SAMD4A: variants seen among roughly 807,000 people sequenced by gnomAD.
The protein encoded by SAMD4A is protein Smaug homolog 1.
A neutral mutation model predicts 81.3 loss-of-function variants in SAMD4A; 33 were observed. The observed-to-expected ratio is 0.41, with a 90% CI of 0.31 to 0.54. The LOEUF is 0.54. Among genes scored for constraint, SAMD4A ranks in the 20% least tolerant of loss-of-function variants. The pLI is 0.37. For missense variants in SAMD4A, 854 were observed against 951.1 expected (o/e 0.90, Z 1.34); for synonymous variants, 389 against 382.1 (o/e 1.02, Z -0.21).
chr14:54,729,364 A>G (rs2037502837), intron 3 of SAMD4A, among the ~76,000 whole-genome samples: 1 of 152,214 alleles, frequency 6.6e-6, no homozygotes, highest in Non-Finnish European at 1.5e-5. Context: ...AGAAAAGGGT[A>G]GGAGGCAAGT....
At chr14:54,635,592 A>T (rs900251978) in intron 2 of SAMD4A, among the ~76,000 whole-genome samples, 2 of 145,682 alleles carry the variant, frequency 1.4e-5, no homozygotes, top group Admixed American at 1.3e-4. Context: ...TACTAAAAAT[A>T]CAAAAATTAG....
intron 2 of SAMD4A, among the ~76,000 whole-genome samples, chr14:54,643,013 C>G (rs1249783881): frequency 6.6e-6 from 1 of 152,178 alleles, no homozygotes; most frequent in African/African-American, 2.4e-5. Flanking sequence ...AGGCAACTTG[C>G]TGATTCAGCT....
chr14:54,644,400 T>G (rs565730768), intron 2 of SAMD4A, among the ~76,000 whole-genome samples: 2 of 152,326 alleles, frequency 1.3e-5, no homozygotes, highest in East Asian at 3.9e-4. Context: ...TAACTATTAT[T>G]GGGCACTTGT....
chr14:54,606,276 G>A (rs1473486317), intron 2 of SAMD4A, among the ~76,000 whole-genome samples: 1 of 152,022 alleles, frequency 6.6e-6, no homozygotes, highest in Non-Finnish European at 1.5e-5. Context: ...CCATGGGCCT[G>A]CCTCATCTGG....
chr14:54,702,233 G>C lies in SAMD4A; in HGVS notation c.368G>C (p.Arg123Thr). 6.2e-7 allele frequency: 1 copy of C among 1,614,198 alleles called. No homozygotes were observed. Among genetic ancestry groups the C allele is most frequent in the Non-Finnish European group, 8.5e-7 (1 of 1,180,030 alleles). Reference sequence around the variant, plus strand: ...CACAACCAGCACATTGAGGAGAGCAGGCAGCTGCTGTCCTATGCTTTGATA... The same window carrying C: ...CACAACCAGCACATTGAGGAGAGCACGCAGCTGCTGTCCTATGCTTTGATA... ...IEHNQHIEES[R>T]QLLSYALIHP... Residue 123 changes from arginine to threonine, a missense_variant, in exon 3 of 13, where the codon AGG becomes ACG. Coordinates refer to ENST00000554335, the MANE Select transcript of SAMD4A (RefSeq NM_015589.6).
At chr14:54,577,694 G>A (rs1260557402) in intron 2 of SAMD4A, among the ~76,000 whole-genome samples, 2 of 152,168 alleles carry the variant, frequency 1.3e-5, no homozygotes, top group Admixed American at 6.5e-5. Flanking sequence ...GCTACCAGTC[G>A]CACTCTCCCT....
At chr14:54,626,059 TGCGCGCGC>T (rs113491666) in intron 2 of SAMD4A, among the ~76,000 whole-genome samples, 78 of 102,128 alleles carry the variant, frequency 7.6e-4, no homozygotes, top group Non-Finnish European at 1.3e-3. Flanking sequence ...TGTGTGTGTG[TGCGCGCGC>T]GCGCGCGCGA....
chr14:54,630,906 ATATG>A (rs1566557154), intron 2 of SAMD4A, among the ~76,000 whole-genome samples: 2 of 65,482 alleles, frequency 3.1e-5, no homozygotes, highest in Non-Finnish European at 6.3e-5. Flanking sequence ...CTTGTATTTT[ATATG>A]TGTGTGTGTG....
chr14:54,662,906 C>T (rs1240308443), intron 2 of SAMD4A, among the ~76,000 whole-genome samples: 1 of 152,208 alleles, frequency 6.6e-6, no homozygotes, highest in Non-Finnish European at 1.5e-5. Context: ...CCAGGGTTTC[C>T]TGTGCTGCTG....
intron 2 of SAMD4A, among the ~76,000 whole-genome samples, chr14:54,601,841 T>C (rs2034060593): frequency 6.6e-6 from 1 of 152,240 alleles, no homozygotes; most frequent in Non-Finnish European, 1.5e-5. Context: ...CTTACATCAC[T>C]ATCCTAAGAA....
chr14:54,655,541 G>A (rs565908451), intron 2 of SAMD4A, among the ~76,000 whole-genome samples: 5 of 151,240 alleles, frequency 3.3e-5, no homozygotes, highest in Non-Finnish European at 7.4e-5. Context: ...AGACCAGCCC[G>A]ACCAACATGG....
In SAMD4A at chr14:54,780,312, C is replaced by G. The variant is rs539013924; in HGVS notation, c.2044+3772C>G. Among the ~76,000 whole-genome samples, 5 of 152,360 alleles carry G rather than the reference C, an allele frequency of 3.3e-5. No homozygotes were observed. The East Asian group carries it at 9.6e-4, about 29-fold the overall frequency. ...CATGGTGTGACTTACCTGATCACCA[C>G]AGCAAACCTCCTCTAAGTACCAGCT... On this transcript the variant is annotated intron_variant, in intron 11 of 12. Coordinates refer to ENST00000554335, the MANE Select transcript of SAMD4A (RefSeq NM_015589.6).
At chr14:54,649,629 G>A (rs974498996) in intron 2 of SAMD4A, among the ~76,000 whole-genome samples, 1 of 152,162 alleles carries the variant, frequency 6.6e-6, no homozygotes, top group Admixed American at 6.5e-5. Flanking sequence ...TGCTCCTTGT[G>A]CATGAATGTA....
At chr14:54,585,986 T>C (rs1043346624) in intron 2 of SAMD4A, among the ~76,000 whole-genome samples, 2 of 152,222 alleles carry the variant, frequency 1.3e-5, no homozygotes, top group Admixed American at 6.5e-5. Flanking sequence ...ATGGTAGATC[T>C]ACTTTTCGTT....
intron 2 of SAMD4A, among the ~76,000 whole-genome samples, chr14:54,603,755 TAAA>T (rs201248388): frequency 6.9e-6 from 1 of 145,210 alleles, no homozygotes. Context: ...GCCTTTTCTT[TAAA>T]AAAAAAAAAA....
intron 2 of SAMD4A, among the ~76,000 whole-genome samples, chr14:54,619,504 G>C (rs1476629014): frequency 6.6e-6 from 1 of 152,202 alleles, no homozygotes; most frequent in African/African-American, 2.4e-5. Flanking sequence ...GGAGGGGACT[G>C]TGCCTTGGCT....
intron 2 of SAMD4A, among the ~76,000 whole-genome samples, chr14:54,648,828 G>A (rs1263436150): frequency 5.3e-5 from 8 of 152,136 alleles, no homozygotes; most frequent in African/African-American, 1.9e-4. Flanking sequence ...CTCTGAATGC[G>A]GCACAGAGAG....
chr14:54,724,022 A>AAGGAAGGG (rs2037343622), intron 3 of SAMD4A, among the ~76,000 whole-genome samples: 1 of 150,750 alleles, frequency 6.6e-6, no homozygotes, highest in Non-Finnish European at 1.5e-5. Context: ...GGAAGGAAGG[A>AAGGAAGGG]AGGAAGGAAG....
intron 2 of SAMD4A, among the ~76,000 whole-genome samples, chr14:54,637,878 G>A (rs112215123): frequency 3.3e-5 from 5 of 152,066 alleles, no homozygotes; most frequent in Non-Finnish European, 5.9e-5. Flanking sequence ...TCTTGAATTC[G>A]TGAAATTTTT....
Sources: allele counts gnomAD v4.1 joint callset (sites outside exome capture counted in the v4.1 genomes callset), GRCh38; gene constraint gnomAD v4.1.1; transcripts MANE v1.5; gene names NCBI Gene and HGNC (gene_info 2026-07-23, HGNC 2026-07-21).